SHISA9: variants seen among roughly 807,000 people sequenced by gnomAD.
SHISA9 encodes the protein shisa family member 9, also known as protein shisa-9.
In SHISA9, 13 loss-of-function variants were observed where a neutral mutation model predicts 38.0. The observed-to-expected ratio is 0.34, with a 90% confidence interval of 0.22 to 0.54. The LOEUF is 0.54. Among genes scored for constraint, SHISA9 ranks in the 20% least tolerant of loss-of-function variants. SHISA9 has a pLI of 0.91. For synonymous variants in SHISA9, 275 were observed against 242.0 expected (o/e 1.14, Z -1.27); for missense variants, 538 against 575.8 (o/e 0.93, Z 0.67).
intron 4 of SHISA9, among the ~76,000 whole-genome samples, chr16:13,229,787 G>A (rs1487438273): frequency 6.6e-6 from 1 of 152,196 alleles, no homozygotes; most frequent in Non-Finnish European, 1.5e-5. Flanking sequence ...GATGGAGAGA[G>A]CAGGGGTGGC....
the SHISA9 span, among the ~76,000 whole-genome samples, chr16:13,287,800 C>T: frequency 6.6e-6 from 1 of 152,170 alleles, no homozygotes; most frequent in East Asian, 1.9e-4. Context: ...GTCACTTTCA[C>T]TAAGATGTTC....
At chr16:13,019,389 C>A (rs1353599120) in intron 2 of SHISA9, among the ~76,000 whole-genome samples, 1 of 152,098 alleles carries the variant, frequency 6.6e-6, no homozygotes, top group Admixed American at 6.6e-5. Flanking sequence ...GCCTTCCCGG[C>A]TTGCTGAAGG....
At chr16:13,004,360 A>G (rs964169380) in intron 2 of SHISA9, among the ~76,000 whole-genome samples, 11 of 152,368 alleles carry the variant, frequency 7.2e-5, no homozygotes, top group African/African-American at 2.6e-4. Context: ...AATATCTCCA[A>G]AGTCAGAACC....
At chr16:12,947,260 G>A (rs1460685844) in intron 2 of SHISA9, among the ~76,000 whole-genome samples, 3 of 152,208 alleles carry the variant, frequency 2.0e-5, no homozygotes, top group Non-Finnish European at 4.4e-5. Context: ...GCAAACAAGC[G>A]TGATAAGGTA....
intron 2 of SHISA9, among the ~76,000 whole-genome samples, chr16:13,085,075 A>G (rs2073695293): frequency 6.6e-6 from 1 of 152,146 alleles, no homozygotes; most frequent in Non-Finnish European, 1.5e-5. Context: ...AGGTAATAGG[A>G]CAAGACTTGT....
At chr16:13,294,691 G>T in the SHISA9 span, among the ~76,000 whole-genome samples, 110 of 152,278 alleles carry the variant, frequency 7.2e-4, 1 homozygote, top group East Asian at 0.021. Flanking sequence ...GTTTACAAAT[G>T]GCCCACATTG....
the SHISA9 span, among the ~76,000 whole-genome samples, chr16:13,444,043 CT>C: frequency 6.6e-6 from 1 of 152,086 alleles, no homozygotes; most frequent in Non-Finnish European, 1.5e-5. Flanking sequence ...CTCCTCACCC[CT>C]CCCCTTCACC....
chr16:12,981,736 G>C lies in SHISA9; in HGVS notation c.691+64921G>C, dbSNP rs151034606. Reference sequence around the variant, plus strand: ...ACAATGTGACTATATTCGGAGACAGGGTCTTTAACGAGGTAATTAAGGTCA... The same window carrying C: ...ACAATGTGACTATATTCGGAGACAGCGTCTTTAACGAGGTAATTAAGGTCA... On this transcript the variant is annotated intron_variant, in intron 2 of 4. Coordinates refer to ENST00000558583, the MANE Select transcript of SHISA9 (RefSeq NM_001145204.3). 6.1e-3 allele frequency among the ~76,000 whole-genome samples: 932 copies of C among 152,182 alleles called. 11 individuals are homozygous for C. Among genetic ancestry groups the C allele is most frequent in the African/African-American group, 0.021 (884 of 41,526 alleles).
At chr16:13,537,270 A>G in the SHISA9 span, among the ~76,000 whole-genome samples, 1 of 152,136 alleles carries the variant, frequency 6.6e-6, no homozygotes, top group Non-Finnish European at 1.5e-5. Context: ...TCTATTAAAA[A>G]TACAAAAATT....
the SHISA9 span, among the ~76,000 whole-genome samples, chr16:13,454,484 T>C: frequency 6.6e-6 from 1 of 152,340 alleles, no homozygotes; most frequent in African/African-American, 2.4e-5. Context: ...TGCCAGGAAT[T>C]GTGCAAATTC....
chr16:12,974,759 C>G (rs141377960), intron 2 of SHISA9, among the ~76,000 whole-genome samples: 60 of 152,090 alleles, frequency 3.9e-4, no homozygotes, highest in Admixed American at 1.4e-3. Flanking sequence ...CAAGTGATTT[C>G]TAAGTCTATG....
At chr16:12,969,321 A>G (rs932781252) in intron 2 of SHISA9, among the ~76,000 whole-genome samples, 15 of 151,498 alleles carry the variant, frequency 9.9e-5, no homozygotes, top group Middle Eastern at 3.5e-3. Flanking sequence ...AAAAAGCACA[A>G]GAGAGCTCCT....
At chr16:13,000,588 G>A (rs1397028596) in intron 2 of SHISA9, among the ~76,000 whole-genome samples, 1 of 152,152 alleles carries the variant, frequency 6.6e-6, no homozygotes, top group Non-Finnish European at 1.5e-5. Flanking sequence ...AAGGACGATT[G>A]CAGGTGTCAG....
At chr16:13,103,072 G>A (rs2073894447) in intron 2 of SHISA9, among the ~76,000 whole-genome samples, 1 of 152,210 alleles carries the variant, frequency 6.6e-6, no homozygotes, top group South Asian at 2.1e-4. Context: ...AACAGCCTGA[G>A]AGTAGTTGAT....
chr16:13,215,256 A>G (rs1399629780), intron 4 of SHISA9, among the ~76,000 whole-genome samples: 2 of 152,200 alleles, frequency 1.3e-5, no homozygotes, highest in East Asian at 3.9e-4. Context: ...GGCCTTACCC[A>G]GGAGCACCTG....
At chr16:13,407,406 G>A in the SHISA9 span, among the ~76,000 whole-genome samples, 7 of 152,198 alleles carry the variant, frequency 4.6e-5, no homozygotes, top group East Asian at 1.2e-3. Context: ...TTTTAAGGGC[G>A]GTAATCTCAC....
chr16:13,348,169 TA>T, the SHISA9 span, among the ~76,000 whole-genome samples: 1 of 152,206 alleles, frequency 6.6e-6, no homozygotes, highest in Non-Finnish European at 1.5e-5. Flanking sequence ...ATCCCATATC[TA>T]AAATGCTTGA....
At chr16:13,554,325 C>A in the SHISA9 span, among the ~76,000 whole-genome samples, 31 of 150,210 alleles carry the variant, frequency 2.1e-4, no homozygotes, top group East Asian at 5.5e-3. Flanking sequence ...CCTTTCATGC[C>A]TACCTGAGAT....
At chr16:12,973,338 G>T (rs2072110481) in intron 2 of SHISA9, among the ~76,000 whole-genome samples, 1 of 152,144 alleles carries the variant, frequency 6.6e-6, no homozygotes, top group Non-Finnish European at 1.5e-5. Flanking sequence ...GATTCTTCAG[G>T]GAAATAGAAA....
Sources: allele counts gnomAD v4.1 joint callset (sites outside exome capture counted in the v4.1 genomes callset), GRCh38; gene constraint gnomAD v4.1.1; transcripts MANE v1.5; gene names NCBI Gene and HGNC (gene_info 2026-07-23, HGNC 2026-07-21).